The following MED1 variants were observed in gnomAD, a reference collection of about 807,000 sequenced individuals.
MED1 encodes mediator of RNA polymerase II transcription subunit 1.
In MED1, 17 loss-of-function variants were observed where a neutral mutation model predicts 121.3. The ratio of observed to expected loss-of-function variants is 0.14; its 90% CI spans 0.10 to 0.21. MED1 has a LOEUF of 0.21. Among genes scored for constraint, MED1 ranks in the 10% least tolerant of loss-of-function variants. The pLI is 1.00. For synonymous variants in MED1, 661 were observed against 694.4 expected, an observed-to-expected ratio of 0.95 and a Z score of 0.76; for missense variants, 1,558 against 1,919.4, an observed-to-expected ratio of 0.81 and a Z score of 3.52.
chr17:39,428,768 T>C (rs956602247), intron 9 of MED1, among the ~76,000 whole-genome samples: 6 of 152,026 alleles, frequency 3.9e-5, no homozygotes, highest in African/African-American at 1.2e-4. Context: ...CTGGCCAGCA[T>C]GGTGAAACCT....
chr17:39,419,264 A>G (rs912360774), intron 14 of MED1, among the ~76,000 whole-genome samples: 1 of 150,982 alleles, frequency 6.6e-6, no homozygotes, highest in South Asian at 2.1e-4. Context: ...TTTTCTAGAG[A>G]TGGGGTTTTG....
At chr17:39,446,418 C>CCA (rs1383245947) in intron 2 of MED1, among the ~76,000 whole-genome samples, 1 of 142,598 alleles carries the variant, frequency 7.0e-6, no homozygotes, top group Non-Finnish European at 1.5e-5. Flanking sequence ...CCACTGCACT[C>CCA]CAGCCTGGGT....
At chr17:39,431,711 T>TA (rs780981195) in intron 8 of MED1, among the ~76,000 whole-genome samples, 3 of 152,218 alleles carry the variant, frequency 2.0e-5, no homozygotes, top group African/African-American at 4.8e-5. Flanking sequence ...AAATTACACT[T>TA]AGACTATTAT....
At chr17:39,423,586 C>T in intron 12 of MED1, 111 bp downstream of exon 12, 1 of 1,493,380 alleles carries the variant, frequency 6.7e-7, no homozygotes, top group Non-Finnish European at 9.3e-7. Flanking sequence ...ACATCTTTAC[C>T]AGTAATACTT....
chr17:39,427,609 T>A, intron 10 of MED1, 92 bp downstream of exon 10: 1 of 875,262 alleles, frequency 1.1e-6, no homozygotes, highest in African/African-American at 1.7e-5. Context: ...AATGGTAAGG[T>A]CAACAAACTC....
chr17:39,425,483 C>T (rs899993569), intron 10 of MED1, among the ~76,000 whole-genome samples: 6 of 152,128 alleles, frequency 3.9e-5, no homozygotes, highest in Admixed American at 3.9e-4. Flanking sequence ...GCATGAACCA[C>T]CAGGCACGGC....
intron 13 of MED1, among the ~76,000 whole-genome samples, chr17:39,421,878 T>A (rs976208015): frequency 6.6e-6 from 1 of 151,490 alleles, no homozygotes; most frequent in Non-Finnish European, 1.5e-5. Flanking sequence ...CCTGCAATCC[T>A]AGCACTTTGG....
Position 39,407,590 on chromosome 17 carries a change from A to G in MED1, c.4631T>C (p.Leu1544Ser). 1 of 1,614,160 alleles carries G rather than the reference A, an allele frequency of 6.2e-7. No individual in the cohort carries two copies. The highest frequency in any genetic ancestry group is 8.5e-7 in the Non-Finnish European group (1 of 1,180,022). The stretch of plus-strand genomic sequence containing the variant: ...TAAGATTGTGTTACTTGTCATAGAC[A>G]AGGACTGGTCTGAAGAGATGGGTGA... ...SKSPISSDQS[L>S]SMTSNTILSA... The change falls in exon 17 of 17, where the codon TTG becomes TCG. Residue 1544 changes from leucine (L) to serine (S), a missense_variant. Physicochemically the swap from Leu to Ser is moderately radical, Grantham distance 145 (BLOSUM62 -2). This residue lies in a region of MED1 where 264 missense variants were observed against 326.1 expected (regional missense o/e 0.81). Transcript: ENST00000300651.
chr17:39,418,063 G>T (rs991574910), intron 14 of MED1, among the ~76,000 whole-genome samples: 1 of 116,510 alleles, frequency 8.6e-6, no homozygotes. Flanking sequence ...TCCAGCCTGG[G>T]GAACAGAGTG....
intron 7 of MED1, among the ~76,000 whole-genome samples, chr17:39,433,514 A>T (rs2048587780): frequency 6.7e-6 from 1 of 148,540 alleles, no homozygotes; most frequent in African/African-American, 2.6e-5. Context: ...TTTAAAATAA[A>T]TTTTTTTTGT....
rs1239915772 is a variant in MED1, at chr17:39,405,208, C to G, written c.*2267G>C. The G allele has an allele frequency of 1.3e-6, 2 of 1,562,844 alleles. No homozygotes were observed. The highest frequency in any genetic ancestry group is 2.3e-5 in the East Asian group (1 of 42,956). ...AGGGTGAAGCAGTTTAGCCCCGGCTCCCTGTTAAGCAAGTTCAGATGCTGG... is the reference window on the plus strand; with the variant it reads ...AGGGTGAAGCAGTTTAGCCCCGGCTGCCTGTTAAGCAAGTTCAGATGCTGG... On this transcript the variant is annotated 3_prime_UTR_variant, in exon 17 of 17. Coordinates refer to ENST00000300651, the MANE Select transcript of MED1 (RefSeq NM_004774.4).
intron 13 of MED1, among the ~76,000 whole-genome samples, chr17:39,421,504 C>T (rs774597000): frequency 6.6e-6 from 1 of 151,976 alleles, no homozygotes; most frequent in Admixed American, 6.6e-5. Context: ...GAGCCGAGAT[C>T]GCGCCACTGC....
chr17:39,439,123 A>C, intron 6 of MED1, 42 bp downstream of exon 6: 1 of 1,564,948 alleles, frequency 6.4e-7, no homozygotes, highest in Non-Finnish European at 8.7e-7. Context: ...AAAGAACAGC[A>C]CTGTCTGTCA....
rs757555374 is a variant in MED1, at chr17:39,431,150, T to C, written c.614A>G (p.His205Arg). ...TGGTGTGAGATAGCCAACACTTCCA[T>C]GAAGAATCTTATCCAAGGGACCAGC... The part of the protein sequence containing the change: ...TNAGPLDKIL[H>R]GSVGYLTPRS... The change falls in exon 9 of 17, where the codon CAT becomes CGT. Residue 205 changes from histidine (H) to arginine (R), a missense_variant. His to Arg is a conservative substitution (Grantham distance 29). Around this residue, in one of 5 missense-constraint regions of MED1, gnomAD observed 443 missense variants for 532.4 expected, o/e 0.83. Transcript: ENST00000300651. 3 of 1,613,680 alleles carry C rather than the reference T, an allele frequency of 1.9e-6. No homozygotes were observed. The highest frequency in any genetic ancestry group is 1.3e-5 in the African/African-American group (1 of 74,948).
rs762618347 is a variant in MED1, at chr17:39,419,878, T to G, written c.1136A>C (p.Asp379Ala). Residue 379 changes from aspartate (D) to alanine (A), a missense_variant, in exon 14 of 17, where the codon GAT becomes GCT. Physicochemically the swap from Asp to Ala is moderately radical, Grantham distance 126. Coordinates refer to ENST00000300651, the MANE Select transcript of MED1 (RefSeq NM_004774.4). Reference sequence around the variant, plus strand: ...ACTTCGGCCATCTGGAAGAGGAGCATCCTTGTTGAGGAAATAGCAGTGCTG... The same window carrying G: ...ACTTCGGCCATCTGGAAGAGGAGCAGCCTTGTTGAGGAAATAGCAGTGCTG... Reference protein sequence around the residue: ...GQQHCYFLNKDAPLPDGRSLQ... With the variant: ...GQQHCYFLNKAAPLPDGRSLQ... 9.9e-6 allele frequency: 16 copies of G among 1,614,104 alleles called. No individual in the cohort carries two copies. Among genetic ancestry groups the G allele is most frequent in the African/African-American group, 1.3e-5 (1 of 75,026 alleles).
intron 11 of MED1, 136 bp downstream of exon 11, chr17:39,424,491 A>C: frequency 1.6e-6 from 1 of 610,746 alleles, no homozygotes. Flanking sequence ...ATCAAACAAA[A>C]GAGAAACCAA....
Position 39,409,114 on chromosome 17 carries a change from C to T in MED1, c.3107G>A (p.Ser1036Asn). 2 of 1,614,144 alleles carry T rather than the reference C, an allele frequency of 1.2e-6. No homozygotes were observed. Among genetic ancestry groups the T allele is most frequent in the South Asian group, 1.1e-5 (1 of 91,086 alleles). The change falls in exon 17 of 17, where the codon AGT becomes AAT. Residue 1036 changes from serine to asparagine, a missense_variant. Physicochemically the swap from Ser to Asn is conservative, Grantham distance 46 (BLOSUM62 1). Around this residue, in one of 5 missense-constraint regions of MED1, gnomAD observed 793 missense variants for 898.2 expected, o/e 0.88. Coordinates refer to ENST00000300651, the MANE Select transcript of MED1 (RefSeq NM_004774.4). ...SSNRPFTPPT[S>N]TGGSKSPGSA... is the part of the protein sequence containing the mutation. ...GCCTGGCGATTTAGATCCACCTGTA[C>T]TGGTAGGTGGGGTAAAAGGTCTGTT...
At chr17:39,413,493 C>T (rs774695925) in intron 16 of MED1, among the ~76,000 whole-genome samples, 2 of 152,134 alleles carry the variant, frequency 1.3e-5, no homozygotes, top group Non-Finnish European at 2.9e-5. Context: ...AACTCCTGAC[C>T]TCAAGTAATC....
At chr17:39,444,946 CT>C (rs2048712878) in intron 2 of MED1, among the ~76,000 whole-genome samples, 2 of 152,092 alleles carry the variant, frequency 1.3e-5, no homozygotes, top group African/African-American at 4.8e-5. Flanking sequence ...AGAAGTTTCT[CT>C]CTGAAAAACA....
Sources: allele counts gnomAD v4.1 joint callset (sites outside exome capture counted in the v4.1 genomes callset), GRCh38; gene constraint gnomAD v4.1.1; regional missense constraint gnomAD v4.1.1; transcripts MANE v1.5; gene names NCBI Gene and HGNC (gene_info 2026-07-23, HGNC 2026-07-21).